NAALADL2: variants seen among roughly 807,000 people sequenced by gnomAD.
NAALADL2 encodes the protein inactive N-acetylated-alpha-linked acidic dipeptidase-like protein 2.
In NAALADL2, 76 loss-of-function variants were observed where a neutral mutation model predicts 87.2. That is an observed-to-expected ratio of 0.87 (90% CI 0.72 to 1.05). The LOEUF (loss-of-function observed/expected upper bound fraction) is 1.05, where lower values mean the gene tolerates loss of function less well. Ranked by LOEUF, NAALADL2 falls within the 50% of genes least tolerant of loss-of-function variation. The pLI, the probability that NAALADL2 is intolerant of heterozygous loss-of-function variation, is 0.00. For missense variants in NAALADL2, 1,089 were observed against 945.8 expected (o/e 1.15, Z -1.99); for synonymous variants, 354 against 331.0 (o/e 1.07, Z -0.75).
At chr3:174,689,419 A>G (rs1218395307) in intron 2 of NAALADL2, among the ~76,000 whole-genome samples, 3 of 150,952 alleles carry the variant, frequency 2.0e-5, no homozygotes, top group African/African-American at 4.9e-5. Context: ...AGTTTGAGCA[A>G]TGGGTCACTT....
intron 1 of NAALADL2, among the ~76,000 whole-genome samples, chr3:174,509,359 G>T: frequency 6.6e-6 from 1 of 150,810 alleles, no homozygotes; most frequent in African/African-American, 2.4e-5. Flanking sequence ...CTCATAGTGG[G>T]TGGAGAGAGA....
At chr3:175,327,148 C>CTTTTTTTTTTTTTTTTTTTTTT (rs35198621) in intron 5 of NAALADL2, among the ~76,000 whole-genome samples, 1 of 99,504 alleles carries the variant, frequency 1.0e-5, no homozygotes, top group African/African-American at 4.2e-5. Flanking sequence ...GTCTACATTT[C>CTTTTTTTTTTTTTTTTTTTTTT]TTTTTTTTTT....
At chr3:175,506,463 G>A (rs1308925869) in intron 9 of NAALADL2, among the ~76,000 whole-genome samples, 2 of 152,180 alleles carry the variant, frequency 1.3e-5, no homozygotes, top group Admixed American at 6.5e-5. Context: ...TAATTTCAAA[G>A]ATAAAATATG....
At chr3:175,111,069 G>A (rs1196639775) in intron 2 of NAALADL2, among the ~76,000 whole-genome samples, 1 of 151,684 alleles carries the variant, frequency 6.6e-6, no homozygotes, top group Non-Finnish European at 1.5e-5. Context: ...ATGGGAGAAA[G>A]AGTCAACAAC....
In NAALADL2 at chr3:174,509,902, T is replaced by C. The variant is rs558933624; in HGVS notation, c.-183-40667T>C. Among the ~76,000 whole-genome samples, 4 of 152,240 alleles carry C rather than the reference T, an allele frequency of 2.6e-5. No individual in the cohort carries two copies. In the South Asian group the frequency reaches 6.2e-4, roughly 24 times the overall value. ...GCAGTGCAGTCCTTAACAGATGCCA[T>C]GTATAAGATTGAGAAGTTCCCTTCT... is the stretch of plus-strand genomic sequence containing the variant. On this transcript the variant is annotated intron_variant, in intron 1 of 3. Transcript: ENST00000434257.
At chr3:175,147,841 A>G (rs1730972318) in intron 2 of NAALADL2, among the ~76,000 whole-genome samples, 1 of 152,018 alleles carries the variant, frequency 6.6e-6, no homozygotes, top group African/African-American at 2.4e-5. Context: ...AAGTCAAGGC[A>G]GGTGGAAAGC....
rs183225203 is a variant in NAALADL2, at chr3:175,670,444, T to C, written c.1896+43058T>C. 8.3e-3 allele frequency among the ~76,000 whole-genome samples: 1,062 copies of C among 127,744 alleles called. 1 individual carries two copies. The highest frequency in any genetic ancestry group is 0.018 in the Admixed American group (209 of 11,358). The allele number at this position is 127,744 out of a possible 152,430, so 83.8% of individuals were successfully genotyped here. A position where few individuals can be genotyped will look rare whatever the true frequency, so the allele number is the denominator to read the frequency against. ...ATTTAATATATTTATATTAAATTTA[T>C]ATTAAATGTAAATTTAATATATTTA... On this transcript the variant is annotated intron_variant, in intron 11 of 13. Transcript: ENST00000454872.
intron 13 of NAALADL2, among the ~76,000 whole-genome samples, chr3:175,796,397 G>A (rs79646384): frequency 0.037 from 5,642 of 152,184 alleles, 367 homozygotes; most frequent in African/African-American, 0.13. Flanking sequence ...ACGTGTCTTT[G>A]TGCCTCAGTT....
In NAALADL2 at chr3:175,698,450, TAC is replaced by T. The variant is rs1245479214; in HGVS notation, c.1897-38854_1897-38853del. Among the ~76,000 whole-genome samples the T allele has an allele frequency of 3.6e-4, 49 of 135,826 alleles. 10 individuals carry two copies. The highest frequency in any genetic ancestry group is 1.1e-3 in the African/African-American group (38 of 33,584). The allele number at this position is 135,826 out of a possible 152,430, so 89.1% of individuals were successfully genotyped here. A position where few individuals can be genotyped will look rare whatever the true frequency, so the allele number is the denominator to read the frequency against. On this transcript the variant is annotated intron_variant, in intron 11 of 13. Coordinates refer to ENST00000454872, the MANE Select transcript of NAALADL2 (RefSeq NM_207015.3). ...GTATGTGTATATATTTATGTATGTATACATATATGTGTATATATGTGTGTATA... is the reference window on the plus strand; with the variant it reads ...GTATGTGTATATATTTATGTATGTATATATATGTGTATATATGTGTGTATA...
At position 175,450,144 on chromosome 3, in the gene NAALADL2, T is replaced by C. The variant is rs547436210; in HGVS notation, c.1234+2772T>C. Among the ~76,000 whole-genome samples, 12 of 152,230 alleles carry C rather than the reference T, an allele frequency of 7.9e-5. No homozygotes were observed. In the East Asian group the frequency reaches 2.3e-3, roughly 29 times the overall value. On this transcript the variant is annotated intron_variant, in intron 6 of 13. Coordinates refer to ENST00000454872, the MANE Select transcript of NAALADL2 (RefSeq NM_207015.3). ...GTAGGATTATAACCCCTTACCCTAA[T>C]GTTTTGGACAATAATGCTCATAGTT...
At chr3:175,610,348 A>G (rs549886055) in intron 10 of NAALADL2, among the ~76,000 whole-genome samples, 13 of 152,148 alleles carry the variant, frequency 8.5e-5, no homozygotes, top group African/African-American at 3.1e-4. Flanking sequence ...AACAATGTCA[A>G]TGACTGTGTT....
intron 1 of NAALADL2, among the ~76,000 whole-genome samples, chr3:174,863,076 C>T (rs996213710): frequency 6.6e-6 from 1 of 152,064 alleles, no homozygotes; most frequent in African/African-American, 2.4e-5. Context: ...AGAAAATTAA[C>T]ATTTTCAAGC....
chr3:174,894,618 A>G, intron 1 of NAALADL2, among the ~76,000 whole-genome samples: 1 of 77,662 alleles, frequency 1.3e-5, no homozygotes, highest in East Asian at 5.5e-4. Flanking sequence ...AAAAAAAAAA[A>G]AAAAAAAAAA....
intron 5 of NAALADL2, among the ~76,000 whole-genome samples, chr3:175,326,736 A>C (rs896145029): frequency 2.0e-5 from 3 of 152,224 alleles, no homozygotes; most frequent in Non-Finnish European, 4.4e-5. Flanking sequence ...CATGAGAGCA[A>C]GAAAGGGCCA....
intron 9 of NAALADL2, among the ~76,000 whole-genome samples, chr3:175,508,520 C>G (rs1192583876): frequency 6.6e-6 from 1 of 152,116 alleles, no homozygotes; most frequent in Non-Finnish European, 1.5e-5. Flanking sequence ...ATCTCATTAA[C>G]TTGAACTTTA....
chr3:175,420,744 C>T (rs1715559627), intron 5 of NAALADL2, among the ~76,000 whole-genome samples: 1 of 151,944 alleles, frequency 6.6e-6, no homozygotes, highest in South Asian at 2.1e-4. Context: ...TATACAATCT[C>T]TTAAAATTCC....
intron 11 of NAALADL2, among the ~76,000 whole-genome samples, chr3:175,721,279 AACTC>A (rs1332271259): frequency 5.3e-5 from 8 of 152,104 alleles, no homozygotes; most frequent in Non-Finnish European, 2.9e-5. Flanking sequence ...ACAGGGGAAA[AACTC>A]AGTCAAGCTA....
chr3:174,853,999 T>C (rs1017547415), intron 3 of NAALADL2, among the ~76,000 whole-genome samples: 13 of 151,846 alleles, frequency 8.6e-5, no homozygotes, highest in Admixed American at 5.2e-4. Context: ...AAAATAAAAC[T>C]ACCACATGGT....
At chr3:174,977,166 T>G (rs900512597) in intron 1 of NAALADL2, among the ~76,000 whole-genome samples, 7 of 152,196 alleles carry the variant, frequency 4.6e-5, no homozygotes, top group African/African-American at 1.4e-4. Context: ...TGACCTCCCA[T>G]GTCTGTGAAA....
Sources: gnomAD v4.1 joint callset for allele counts (sites outside exome capture counted in the v4.1 genomes callset) on GRCh38, gnomAD v4.1.1 for gene constraint, MANE v1.5 for transcripts, NCBI Gene and HGNC (gene_info 2026-07-23, HGNC 2026-07-21) for gene names.